Variants in LARS2 observed in about 807,000 individuals in gnomAD.
LARS2 encodes the protein leucine--tRNA ligase, mitochondrial.
LARS2 carries 81 observed loss-of-function variants against 116.6 expected under a neutral mutation model. The observed-to-expected ratio is 0.69, with a 90% CI of 0.58 to 0.84. The LOEUF is 0.84. Ranked by LOEUF, LARS2 falls within the 40% of genes least tolerant of loss-of-function variation. The pLI, the probability that LARS2 is intolerant of heterozygous loss-of-function variation, is 0.00. For synonymous variants in LARS2, 396 were observed against 407.2 expected (o/e 0.97, Z 0.33); for missense variants, 968 against 1,114.5 (o/e 0.87, Z 1.87).
At chr3:45,437,812 AC>A (rs1344375600) in intron 6 of LARS2, among the ~76,000 whole-genome samples, 3 of 151,994 alleles carry the variant, frequency 2.0e-5, no homozygotes, top group African/African-American at 7.2e-5. Context: ...TGTACCAGGG[AC>A]TGTCCTAAGT....
intron 17 of LARS2, among the ~76,000 whole-genome samples, chr3:45,517,078 G>A (rs1700378903): frequency 1.3e-5 from 2 of 152,184 alleles, no homozygotes. Context: ...TGGCTAGTGG[G>A]AAGTGTGGTC....
intron 11 of LARS2, 71 bp from the exon 12 acceptor site, chr3:45,488,626 C>T (rs911854070): frequency 2.3e-6 from 2 of 874,120 alleles, no homozygotes; most frequent in Non-Finnish European, 1.9e-6. Context: ...ACCTGGGTGT[C>T]AGTACTGTCA....
At chr3:45,513,283 G>C (rs1481062144) in intron 16 of LARS2, 48 bp downstream of exon 16, 1 of 1,263,388 alleles carries the variant, frequency 7.9e-7, no homozygotes, top group African/African-American at 1.5e-5. Context: ...AGAGAGCCAA[G>C]GCCAGGCCTG....
Position 45,488,784 on chromosome 3 carries a change from G to T in LARS2, c.1211G>T (p.Gly404Val), listed in dbSNP as rs766754956. The part of the protein sequence containing the change: ...YSEVIETLPD[G>V]TERLSSSAEF... The stretch of plus-strand genomic sequence containing the variant: ...GAAGTCATTGAAACTTTGCCAGATG[G>T]CACAGAGAGACTGAGCAGCTCTGCT... The change falls in exon 12 of 22, where the codon GGC (glycine) becomes GTC (valine). Residue 404 changes from glycine (G) to valine (V), a missense_variant. Gly to Val is a moderately radical substitution (Grantham distance 109). Coordinates refer to ENST00000645846, the MANE Select transcript of LARS2 (RefSeq NM_015340.4). 1.9e-6 allele frequency: 3 copies of T among 1,612,904 alleles called. No individual in the cohort carries two copies. Among genetic ancestry groups the T allele is most frequent in the Non-Finnish European group, 2.5e-6 (3 of 1,179,038 alleles).
chr3:45,424,245 G>A (rs974814678), intron 6 of LARS2, among the ~76,000 whole-genome samples: 4 of 152,096 alleles, frequency 2.6e-5, no homozygotes, highest in Admixed American at 1.3e-4. Flanking sequence ...TCATAGAGTC[G>A]AAAATACATT....
chr3:45,411,086 A>T (rs854208), intron 4 of LARS2, among the ~76,000 whole-genome samples: 1 of 152,080 alleles, frequency 6.6e-6, no homozygotes, highest in African/African-American at 2.4e-5. Context: ...CACTGCGGGG[A>T]TCTAACTCAC....
At chr3:45,531,038 G>A (rs956378804) in intron 20 of LARS2, among the ~76,000 whole-genome samples, 1 of 152,052 alleles carries the variant, frequency 6.6e-6, no homozygotes, top group Non-Finnish European at 1.5e-5. Flanking sequence ...TTTCTTTTGT[G>A]TTCTTGTAGA....
chr3:45,533,189 C>T (rs1201669593), intron 20 of LARS2, among the ~76,000 whole-genome samples: 26 of 107,028 alleles, frequency 2.4e-4, no homozygotes, highest in Middle Eastern at 0.024. Flanking sequence ...CTTGCTCTGT[C>T]GCCCAGGCTG....
chr3:45,509,167 C>G (rs767062538), intron 15 of LARS2, among the ~76,000 whole-genome samples: 4 of 152,050 alleles, frequency 2.6e-5, no homozygotes, highest in Non-Finnish European at 1.5e-5. Flanking sequence ...CTAATACTCC[C>G]GCGTTTGATG....
At position 45,547,380 on chromosome 3, in the gene LARS2, T is replaced by C. The variant is rs748194516; in HGVS notation, c.2562T>C (p.Pro854=). 6.2e-6 allele frequency: 10 copies of C among 1,611,322 alleles called. No individual in the cohort carries two copies. Among genetic ancestry groups the C allele is most frequent in the African/African-American group, 1.3e-5 (1 of 74,686 alleles). The change falls in exon 22 of 22, where the codon CCT becomes CCC. Residue 854 remains proline (P), a synonymous_variant. Transcript: ENST00000645846. ...ACAATAAAGCTTGTGGCAAAATTCC[T>C]GTGCCCCAACAAGTTGCCCGGGACC... ...LINNKACGKI[P]VPQQVARDQD...
intron 1 of LARS2, among the ~76,000 whole-genome samples, chr3:45,390,830 T>G (rs982863173): frequency 6.7e-6 from 1 of 150,362 alleles, no homozygotes; most frequent in African/African-American, 2.4e-5. Context: ...TTTTTTGTAC[T>G]TTTAGTAGAG....
chr3:45,509,788 G>A (rs2125747838), intron 15 of LARS2, among the ~76,000 whole-genome samples: 1 of 152,056 alleles, frequency 6.6e-6, no homozygotes. Context: ...CTAGGAGCTG[G>A]GAAGCGCCCC....
intron 8 of LARS2, among the ~76,000 whole-genome samples, chr3:45,472,825 G>T (rs1391753309): frequency 6.6e-6 from 1 of 152,164 alleles, no homozygotes; most frequent in African/African-American, 2.4e-5. Flanking sequence ...TCCTCATCTG[G>T]GATGTGGAGT....
chr3:45,452,537 C>T (rs1266398375), intron 7 of LARS2, among the ~76,000 whole-genome samples: 1 of 151,926 alleles, frequency 6.6e-6, no homozygotes, highest in Admixed American at 6.6e-5. Context: ...GGGATGAATC[C>T]CTGTTGATCA....
intron 4 of LARS2, among the ~76,000 whole-genome samples, chr3:45,408,387 C>A (rs1054478144): frequency 6.6e-6 from 1 of 152,262 alleles, no homozygotes; most frequent in South Asian, 2.1e-4. Flanking sequence ...CTGGCCCCCA[C>A]TCCTCTCTGA....
At position 45,476,466 on chromosome 3, in the gene LARS2, A is replaced by G; in HGVS notation, c.859-2A>G. 1 of 1,614,152 alleles carries G rather than the reference A, an allele frequency of 6.2e-7. No homozygotes were observed. Among genetic ancestry groups the G allele is most frequent in the East Asian group, 2.2e-5 (1 of 44,876 alleles). ...GACATCACTCTTCTTTCCTATCACC[A>G]GGTTCATGGGCAAGCCACGGGCGAA... On this transcript the variant is annotated splice_acceptor_variant, in intron 9 of 21. Transcript: ENST00000645846. LOFTEE classifies it high-confidence loss of function.
intron 6 of LARS2, among the ~76,000 whole-genome samples, chr3:45,427,637 G>A (rs989458107): frequency 3.3e-5 from 5 of 152,052 alleles, no homozygotes; most frequent in South Asian, 2.1e-4. Context: ...AGCATAAAAC[G>A]TGTATGTATA....
At chr3:45,526,013 G>A (rs1700525269) in intron 20 of LARS2, among the ~76,000 whole-genome samples, 1 of 152,172 alleles carries the variant, frequency 6.6e-6, no homozygotes, top group South Asian at 2.1e-4. Context: ...AGGAGGAGGA[G>A]AAGGCAATTA....
rs1233211687 is a variant in LARS2, at chr3:45,479,255, G to A, written c.1018+2628G>A. On this transcript the variant is annotated intron_variant, in intron 10 of 21. Transcript: ENST00000645846. The stretch of plus-strand genomic sequence containing the variant: ...AAGTTTAGCCTTCCTGGCAGAGCTT[G>A]TATTGGGGCTGTCAGCCAAGGTGGT... Among the ~76,000 whole-genome samples, 4 of 152,196 alleles carry A rather than the reference G, an allele frequency of 2.6e-5. 1 individual carries two copies. The East Asian group carries it at 7.7e-4, about 29-fold the overall frequency.
Sources: allele counts gnomAD v4.1 joint callset (sites outside exome capture counted in the v4.1 genomes callset), GRCh38; gene constraint gnomAD v4.1.1; transcripts MANE v1.5; gene names NCBI Gene and HGNC (gene_info 2026-07-23, HGNC 2026-07-21).